Variants in SRD5A1 observed in about 807,000 individuals in gnomAD.
SRD5A1 encodes the protein steroid 5 alpha-reductase 1.
SRD5A1 carries 22 observed loss-of-function variants against 28.2 expected under a neutral mutation model. The observed-to-expected ratio is 0.78, with a 90% CI of 0.56 to 1.12. SRD5A1 has a LOEUF of 1.12. Ranked by LOEUF, SRD5A1 falls within the 50% of genes most tolerant of loss-of-function variation. The pLI, the probability that SRD5A1 is intolerant of heterozygous loss-of-function variation, is 0.00. For synonymous variants in SRD5A1, 151 were observed against 135.0 expected (o/e 1.12, Z -0.82); for missense variants, 300 against 346.7 (o/e 0.87, Z 1.07).
intron 3 of SRD5A1, among the ~76,000 whole-genome samples, chr5:6,657,297 T>A (rs1738861722): frequency 6.6e-6 from 1 of 152,224 alleles, no homozygotes; most frequent in Non-Finnish European, 1.5e-5. Context: ...GACAGAGTCC[T>A]AGACAGGCTG....
At position 6,633,842 on chromosome 5, in the gene SRD5A1, C is replaced by A. The variant is rs971837149; in HGVS notation, c.266C>A (p.Ala89Asp). ...AGCGCGCCCAACTGCATCCTCCTGG[C>A]CATGTTCCTCGTCCACTACGGGCAT... ...LRSAPNCILL[A>D]MFLVHYGHRC... The change falls in exon 1 of 5, where the codon GCC becomes GAC. Residue 89 changes from alanine to aspartate, a missense_variant. Ala to Asp is a moderately radical substitution (Grantham distance 126). Coordinates refer to ENST00000274192, the MANE Select transcript of SRD5A1 (RefSeq NM_001047.4). The A allele has an allele frequency of 1.3e-6, 2 of 1,597,568 alleles. No homozygotes were observed. Among genetic ancestry groups the A allele is most frequent in the Admixed American group, 3.3e-5 (2 of 59,982 alleles).
At chr5:6,652,708 CA>C (rs1335130088) in intron 2 of SRD5A1, among the ~76,000 whole-genome samples, 2 of 151,664 alleles carry the variant, frequency 1.3e-5, no homozygotes, top group Admixed American at 1.3e-4. Context: ...TCCAGCTCTA[CA>C]AAAAATACAA....
chr5:6,634,892 A>G (rs929611391), intron 1 of SRD5A1, among the ~76,000 whole-genome samples: 5 of 152,240 alleles, frequency 3.3e-5, no homozygotes, highest in South Asian at 2.1e-4. Flanking sequence ...AAACGTTTTC[A>G]TTCAGGCTCT....
At chr5:6,640,673 C>G (rs1238720513) in intron 1 of SRD5A1, among the ~76,000 whole-genome samples, 1 of 151,948 alleles carries the variant, frequency 6.6e-6, no homozygotes, top group African/African-American at 2.4e-5. Flanking sequence ...TTGTTCTTTG[C>G]CTGGAAAGAA....
intron 1 of SRD5A1, among the ~76,000 whole-genome samples, chr5:6,647,332 G>A (rs1158376035): frequency 6.6e-6 from 1 of 152,162 alleles, no homozygotes; most frequent in African/African-American, 2.4e-5. Flanking sequence ...GGATATCCTT[G>A]TTAATTTTCT....
At chr5:6,663,240 G>A (rs1203162158) in intron 4 of SRD5A1, among the ~76,000 whole-genome samples, 2 of 152,158 alleles carry the variant, frequency 1.3e-5, no homozygotes, top group African/African-American at 4.8e-5. Context: ...ACCAAGCAGG[G>A]GATTCAGGGC....
rs1281811793 is a variant in SRD5A1 at position 6,672,905 on chromosome 5, CAT to C, written c.*4638_*4639del. The C allele has an allele frequency of 6.6e-6, 1 of 152,190 alleles. No homozygotes were observed. The highest frequency in any genetic ancestry group is 1.5e-5 in the Non-Finnish European group (1 of 68,024). 9.4% of individuals were successfully genotyped at this position (152,190 alleles called of 1,614,324 possible). A position where few individuals can be genotyped will look rare whatever the true frequency, so the allele number is the denominator to read the frequency against. On this transcript the variant is annotated 3_prime_UTR_variant, in exon 5 of 5. Coordinates refer to ENST00000274192, the MANE Select transcript of SRD5A1 (RefSeq NM_001047.4). ...TCTAGCTGATCTGGTCTAAAATACA[CAT>C]GTGGGAGGCGGGATTGTAGAAATAT...
intron 1 of SRD5A1, among the ~76,000 whole-genome samples, chr5:6,634,212 A>T (rs1738098918): frequency 6.6e-6 from 1 of 152,212 alleles, no homozygotes. Flanking sequence ...CTGTGATCCC[A>T]GTTACTCGGG....
intron 1 of SRD5A1, among the ~76,000 whole-genome samples, chr5:6,641,315 T>C (rs976652169): frequency 1.1e-4 from 17 of 152,020 alleles, no homozygotes; most frequent in African/African-American, 3.9e-4. Context: ...TTGGCCACAG[T>C]CAAAGGAAAA....
In SRD5A1 at chr5:6,674,380, G is replaced by A. The variant is rs886766903; in HGVS notation, c.*6112G>A. ...AAATCTATTAAAAAAAAAACTGAGT[G>A]GAAAAAGAGCGTTTTGCTCATTGGA... is the stretch of plus-strand genomic sequence containing the variant. On this transcript the variant is annotated 3_prime_UTR_variant, in exon 5 of 5. Coordinates refer to ENST00000274192, the MANE Select transcript of SRD5A1 (RefSeq NM_001047.4). 3 of 152,348 alleles carry A rather than the reference G, an allele frequency of 2.0e-5. No individual in the cohort carries two copies. The highest frequency in any genetic ancestry group is 4.4e-5 in the Non-Finnish European group (3 of 68,002). 9.4% of individuals were successfully genotyped at this position (152,348 alleles called of 1,614,324 possible). A position where few individuals can be genotyped will look rare whatever the true frequency, so the allele number is the denominator to read the frequency against.
intron 1 of SRD5A1, among the ~76,000 whole-genome samples, chr5:6,636,887 A>G (rs569796263): frequency 4.4e-4 from 67 of 152,216 alleles, no homozygotes; most frequent in Admixed American, 4.0e-3. Flanking sequence ...CACAAACACC[A>G]GGGAGGGAAG....
chr5:6,656,033 T>G (rs1738821067), intron 2 of SRD5A1, 45 bp from the exon 3 acceptor site: 2 of 1,464,054 alleles, frequency 1.4e-6, no homozygotes, highest in African/African-American at 2.8e-5. Context: ...TAGTGAAATT[T>G]TACGGTTTAT....
chr5:6,635,642 A>G (rs1287964942), intron 1 of SRD5A1, among the ~76,000 whole-genome samples: 1 of 152,256 alleles, frequency 6.6e-6, no homozygotes, highest in Admixed American at 6.5e-5. Flanking sequence ...TCAGTACACA[A>G]TACCTAGCAC....
intron 1 of SRD5A1, among the ~76,000 whole-genome samples, chr5:6,649,991 T>C (rs1331266803): frequency 6.6e-6 from 1 of 152,258 alleles, no homozygotes; most frequent in Non-Finnish European, 1.5e-5. Flanking sequence ...GAGTCTCATT[T>C]TGCCTTTTCT....
At chr5:6,667,206 T>C (rs1739211483) in intron 4 of SRD5A1, among the ~76,000 whole-genome samples, 1 of 152,242 alleles carries the variant, frequency 6.6e-6, no homozygotes, top group African/African-American at 2.4e-5. Flanking sequence ...CTGGAAAGGC[T>C]GCAGTCTCGA....
intron 3 of SRD5A1, among the ~76,000 whole-genome samples, chr5:6,657,456 A>G (rs1412277263): frequency 6.6e-6 from 1 of 152,180 alleles, no homozygotes; most frequent in African/African-American, 2.4e-5. Flanking sequence ...TGTAAGCTGG[A>G]TGGTGGCCCC....
intron 3 of SRD5A1, among the ~76,000 whole-genome samples, chr5:6,662,603 G>A (rs570698779): frequency 6.6e-6 from 1 of 152,300 alleles, no homozygotes; most frequent in South Asian, 2.1e-4. Flanking sequence ...ACATAGACAG[G>A]TATTGATATA....
intron 3 of SRD5A1, 114 bp downstream of exon 3, chr5:6,656,293 C>T (rs901368413): frequency 5.2e-6 from 4 of 766,148 alleles, no homozygotes; most frequent in Non-Finnish European, 6.5e-6. Context: ...TACAAGTTTT[C>T]AGTGTAAGTC....
intron 1 of SRD5A1, among the ~76,000 whole-genome samples, chr5:6,643,936 A>T (rs1489056905): frequency 6.6e-6 from 1 of 152,106 alleles, no homozygotes; most frequent in African/African-American, 2.4e-5. Context: ...ATTATCCTCT[A>T]TTATATTCTT....
Sources: gnomAD v4.1 joint callset for allele counts (sites outside exome capture counted in the v4.1 genomes callset) on GRCh38, gnomAD v4.1.1 for gene constraint, MANE v1.5 for transcripts, NCBI Gene and HGNC (gene_info 2026-07-23, HGNC 2026-07-21) for gene names.